The following DCDC1 variants were observed in gnomAD, a reference collection of about 807,000 sequenced individuals.
DCDC1 encodes doublecortin domain-containing protein 1.
A neutral mutation model predicts 178.3 loss-of-function variants in DCDC1; 200 were observed. The ratio of observed to expected loss-of-function variants is 1.12; its 90% confidence interval spans 1.00 to 1.26. DCDC1 has a LOEUF of 1.26. Ranked by LOEUF, DCDC1 falls within the 50% of genes most tolerant of loss-of-function variation. The pLI is 0.00. For synonymous variants in DCDC1, 690 were observed against 604.8 expected (o/e 1.14, Z -2.07); for missense variants, 1,983 against 1,749.2 (o/e 1.13, Z -2.38).
chr11:31,234,110 T>C (rs1422627813), intron 9 of DCDC1, among the ~76,000 whole-genome samples: 1 of 152,218 alleles, frequency 6.6e-6, no homozygotes, highest in Non-Finnish European at 1.5e-5. Context: ...GTCACACATA[T>C]TAAGTGTTGA....
At chr11:30,944,353 G>A (rs543104361) in intron 21 of DCDC1, 1 of 456,352 alleles carries the variant, frequency 2.2e-6, no homozygotes, top group African/African-American at 2.0e-5. Flanking sequence ...AAATATGTAA[G>A]ACATAATGGT....
rs144429818 is a variant in DCDC1 at position 30,887,986 on chromosome 11, A to G, written c.5082+4832T>C. 1.5e-4 allele frequency among the ~76,000 whole-genome samples: 23 copies of G among 150,286 alleles called. No individual in the cohort carries two copies. The East Asian group carries it at 3.7e-3, about 24-fold the overall frequency. ...CCATTGCACTCCAGCCTGGGCAACA[A>G]GAGCAAAATTCCGTCAAAAAAAAAA... On this transcript the variant is annotated intron_variant, in intron 36 of 38. Coordinates refer to ENST00000684477, the MANE Select transcript of DCDC1 (RefSeq NM_001387274.1).
intron 11 of DCDC1, among the ~76,000 whole-genome samples, chr11:31,114,151 A>G (rs1455506325): frequency 6.6e-6 from 1 of 152,130 alleles, no homozygotes; most frequent in Non-Finnish European, 1.5e-5. Context: ...ACTAGATTCC[A>G]CTACACCCAA....
Position 31,314,784 on chromosome 11 carries a change from G to A in DCDC1, c.165-6876C>T, listed in dbSNP as rs114173716. 2.5e-3 allele frequency among the ~76,000 whole-genome samples: 387 copies of A among 152,158 alleles called. 4 individuals carry two copies. The highest frequency in any genetic ancestry group is 8.4e-3 in the African/African-American group (349 of 41,524). The stretch of plus-strand genomic sequence containing the variant: ...AAGATAACTGATTATGTCACTTAAC[G>A]ACATCTGCAGAAATCTTTTCTCTTT... On this transcript the variant is annotated intron_variant, in intron 3 of 38. Transcript: ENST00000684477.
chr11:31,157,368 A>ATAT (rs71451195), intron 9 of DCDC1, among the ~76,000 whole-genome samples: 1,683 of 109,040 alleles, frequency 0.015, 24 homozygotes, highest in African/African-American at 0.042. Context: ...AAAAAAAAAA[A>ATAT]AAAAATATAT....
At chr11:30,982,421 T>C (rs947005312) in intron 20 of DCDC1, among the ~76,000 whole-genome samples, 2 of 152,196 alleles carry the variant, frequency 1.3e-5, no homozygotes, top group African/African-American at 4.8e-5. Context: ...TCAGACTGAT[T>C]TGAAAGATAA....
At chr11:30,933,298 T>A (rs1565093438) in intron 21 of DCDC1, among the ~76,000 whole-genome samples, 1 of 152,184 alleles carries the variant, frequency 6.6e-6, no homozygotes, top group Admixed American at 6.5e-5. Context: ...TTAGTTTTTT[T>A]AAAAGTCTAT....
At chr11:30,971,518 A>C (rs1313139623) in intron 20 of DCDC1, among the ~76,000 whole-genome samples, 1 of 149,048 alleles carries the variant, frequency 6.7e-6, no homozygotes, top group East Asian at 2.0e-4. Flanking sequence ...TAATCCATTG[A>C]ATGACATAAA....
chr11:31,016,900 G>A (rs1952513076), intron 20 of DCDC1, among the ~76,000 whole-genome samples: 1 of 152,160 alleles, frequency 6.6e-6, no homozygotes, highest in Non-Finnish European at 1.5e-5. Context: ...TCTGTCAGTT[G>A]TTTTGTCTGG....
chr11:31,027,134 G>C (rs562555063), intron 20 of DCDC1, among the ~76,000 whole-genome samples: 2 of 151,774 alleles, frequency 1.3e-5, no homozygotes, highest in South Asian at 4.1e-4. Flanking sequence ...TATCCAACAT[G>C]AGTCCTTTTC....
At position 31,357,677 on chromosome 11, in the gene DCDC1, A is replaced by G. The variant is rs1951458467; in HGVS notation, c.-125+12020T>C. 3.3e-5 allele frequency among the ~76,000 whole-genome samples: 5 copies of G among 152,144 alleles called. No individual in the cohort carries two copies. The South Asian group carries it at 1.0e-3, about 32-fold the overall frequency. ...CTGTTTGCAGATGACATGATTGTAT[A>G]TCTAGAAAACCCCATTGTCTCAGCC... On this transcript the variant is annotated intron_variant, in intron 1 of 38. Coordinates refer to ENST00000684477, the MANE Select transcript of DCDC1 (RefSeq NM_001387274.1).
At chr11:31,216,204 T>C (rs1452543249) in intron 9 of DCDC1, among the ~76,000 whole-genome samples, 1 of 152,174 alleles carries the variant, frequency 6.6e-6, no homozygotes. Flanking sequence ...ATATTAACGT[T>C]ATTTTCCCCT....
intron 9 of DCDC1, among the ~76,000 whole-genome samples, chr11:31,229,770 A>G (rs1349713461): frequency 6.6e-6 from 1 of 152,188 alleles, no homozygotes; most frequent in Non-Finnish European, 1.5e-5. Context: ...AAGACTAGAA[A>G]ACACAATGAT....
intron 36 of DCDC1, chr11:30,883,404 T>C (rs748370775): frequency 1.2e-5 from 5 of 411,858 alleles, no homozygotes; most frequent in Admixed American, 3.3e-5. Context: ...CTATACATTA[T>C]TGGTGTTACT....
Position 31,075,380 on chromosome 11 carries a change from T to C in DCDC1, c.2298+2485A>G, listed in dbSNP as rs140109362. Among the ~76,000 whole-genome samples, 302 of 152,338 alleles carry C rather than the reference T, an allele frequency of 2.0e-3. 1 individual carries two copies. The highest frequency in any genetic ancestry group is 7.0e-3 in the African/African-American group (290 of 41,586). ...GAGTGCATGTACCTTTTTGATATAA[T>C]GATTTCTTTTCCTTTGGGTAGATAT... On this transcript the variant is annotated intron_variant, in intron 18 of 38. Transcript: ENST00000684477.
chr11:31,324,094 A>G (rs770017128), intron 3 of DCDC1, among the ~76,000 whole-genome samples: 35 of 152,276 alleles, frequency 2.3e-4, no homozygotes, highest in Non-Finnish European at 4.0e-4. Context: ...TTTATAACAC[A>G]TAACAAATTT....
At chr11:31,081,520 G>C (rs1211894046) in intron 17 of DCDC1, among the ~76,000 whole-genome samples, 1 of 152,044 alleles carries the variant, frequency 6.6e-6, no homozygotes, top group African/African-American at 2.4e-5. Context: ...TGAGACAGGA[G>C]AATCGCTTGA....
chr11:31,046,340 C>G (rs967729077), intron 20 of DCDC1, among the ~76,000 whole-genome samples: 1 of 151,902 alleles, frequency 6.6e-6, no homozygotes, highest in Admixed American at 6.6e-5. Context: ...ATAGGAAAAG[C>G]CTTTCTGCTT....
intron 11 of DCDC1, among the ~76,000 whole-genome samples, chr11:31,112,418 T>C (rs1297694025): frequency 6.6e-6 from 1 of 152,226 alleles, no homozygotes; most frequent in South Asian, 2.1e-4. Flanking sequence ...AAAAGTAGTC[T>C]ACCTTTATTT....
Sources: allele counts gnomAD v4.1 joint callset (sites outside exome capture counted in the v4.1 genomes callset), GRCh38; gene constraint gnomAD v4.1.1; transcripts MANE v1.5; gene names NCBI Gene and HGNC (gene_info 2026-07-23, HGNC 2026-07-21).